The following SHC4 variants were observed in gnomAD, a reference collection of about 807,000 sequenced individuals.
SHC4 encodes the protein SHC adaptor protein 4.
A neutral mutation model predicts 69.4 loss-of-function variants in SHC4; 41 were observed. The observed-to-expected ratio is 0.59, with a 90% confidence interval of 0.46 to 0.77. The LOEUF (loss-of-function observed/expected upper bound fraction) is 0.77. SHC4 is among the 30% of genes least tolerant of loss of function. The pLI is 0.00. For missense variants in SHC4, 777 were observed against 783.8 expected, an observed-to-expected ratio of 0.99 and a Z score of 0.10; for synonymous variants, 318 against 299.3, an observed-to-expected ratio of 1.06 and a Z score of -0.64.
In SHC4 at chr15:48,839,975, T is replaced by C. The variant is rs1898962557; in HGVS notation, c.1483+3434A>G. On this transcript the variant is annotated intron_variant, in intron 10 of 11. Coordinates refer to ENST00000332408, the MANE Select transcript of SHC4 (RefSeq NM_203349.4). ...GCTAGGTGTGGTCACATGTCTATGGTCTGCCAATCGCAGGTGAAAAGAAAT... is the reference window on the plus strand; with the variant it reads ...GCTAGGTGTGGTCACATGTCTATGGCCTGCCAATCGCAGGTGAAAAGAAAT... Among the ~76,000 whole-genome samples the C allele has an allele frequency of 1.3e-5, 2 of 152,250 alleles. 1 individual carries two copies. Among genetic ancestry groups the C allele is most frequent in the Admixed American group, 1.3e-4 (2 of 15,280 alleles).
intron 8 of SHC4, among the ~76,000 whole-genome samples, chr15:48,854,606 G>GT (rs1206085999): frequency 1.3e-5 from 2 of 152,140 alleles, no homozygotes; most frequent in Admixed American, 1.3e-4. Context: ...AGAGAATGTG[G>GT]TACATATACA....
intron 1 of SHC4, among the ~76,000 whole-genome samples, chr15:48,950,476 T>G (rs1413875436): frequency 6.6e-6 from 1 of 152,110 alleles, no homozygotes; most frequent in Non-Finnish European, 1.5e-5. Context: ...ATTATGATTA[T>G]TGATCTCCTA....
In SHC4 at chr15:48,867,815, T is replaced by C. The variant is rs888849213; in HGVS notation, c.946+3A>G. ...TAAAAAATCTGTAAGTTGCTTTCCA[T>C]ACCTCGTTGATTAACTGGATCTTTA... On this transcript the variant is annotated splice_donor_region_variant and intron_variant, in intron 6 of 11. Coordinates refer to ENST00000332408, the MANE Select transcript of SHC4 (RefSeq NM_203349.4). 1.9e-6 allele frequency: 3 copies of C among 1,613,312 alleles called. No homozygotes were observed. Among genetic ancestry groups the C allele is most frequent in the Non-Finnish European group, 1.7e-6 (2 of 1,179,546 alleles).
At chr15:48,875,786 G>A (rs984210295) in intron 4 of SHC4, among the ~76,000 whole-genome samples, 5 of 152,206 alleles carry the variant, frequency 3.3e-5, no homozygotes, top group Non-Finnish European at 7.3e-5. Context: ...TCACTACTCA[G>A]GTCAAAGAGG....
At chr15:48,900,938 A>T (rs1433999964) in intron 2 of SHC4, among the ~76,000 whole-genome samples, 2 of 152,224 alleles carry the variant, frequency 1.3e-5, no homozygotes, top group African/African-American at 4.8e-5. Flanking sequence ...CCAGGTAGGA[A>T]ATATTTTAGC....
At chr15:48,959,665 T>G (rs1901509041) in intron 1 of SHC4, among the ~76,000 whole-genome samples, 1 of 152,218 alleles carries the variant, frequency 6.6e-6, no homozygotes, top group Non-Finnish European at 1.5e-5. Context: ...CAAGCAAGGT[T>G]TGATTTAAAA....
At chr15:48,908,708 A>G (rs894088203) in intron 2 of SHC4, among the ~76,000 whole-genome samples, 15 of 152,196 alleles carry the variant, frequency 9.9e-5, no homozygotes, top group Non-Finnish European at 1.9e-4. Flanking sequence ...TCCTTAATCC[A>G]TCTTGAGTTG....
chr15:48,917,095 C>G (rs1349394173), intron 2 of SHC4, among the ~76,000 whole-genome samples: 1 of 152,128 alleles, frequency 6.6e-6, no homozygotes. Context: ...GTGTCTATTC[C>G]TCCTTCAGCG....
intron 10 of SHC4, 75 bp downstream of exon 10, chr15:48,843,334 A>C (rs1193769923): frequency 7.0e-7 from 1 of 1,435,474 alleles, no homozygotes; most frequent in Non-Finnish European, 9.5e-7. Context: ...GAACTGTGAA[A>C]GAATAAATTT....
chr15:48,870,885 G>A (rs1899661722), intron 5 of SHC4, among the ~76,000 whole-genome samples: 1 of 152,178 alleles, frequency 6.6e-6, no homozygotes, highest in Admixed American at 6.5e-5. Context: ...TGATTACAGA[G>A]TAACTTCAGA....
chr15:48,924,960 A>T lies in SHC4; in HGVS notation c.586-11T>A. The T allele has an allele frequency of 1.2e-6, 2 of 1,613,802 alleles. No homozygotes were observed. Among genetic ancestry groups the T allele is most frequent in the Non-Finnish European group, 1.7e-6 (2 of 1,179,870 alleles). ...AACACAGCCCATGTACTACAATAAG[A>T]AGAAAAAAAAGAAGAAGTAGGACAA... is the stretch of plus-strand genomic sequence containing the variant. On this transcript the variant is annotated splice_polypyrimidine_tract_variant and intron_variant, in intron 1 of 11. Transcript: ENST00000332408.
chr15:48,910,586 A>G (rs938449487), intron 2 of SHC4, among the ~76,000 whole-genome samples: 2 of 150,600 alleles, frequency 1.3e-5, no homozygotes, highest in Non-Finnish European at 3.0e-5. Context: ...GATCTTGGTT[A>G]TTTCCTTTCT....
At chr15:48,874,567 C>T (rs374358469) in intron 4 of SHC4, among the ~76,000 whole-genome samples, 57 of 152,258 alleles carry the variant, frequency 3.7e-4, no homozygotes, top group African/African-American at 1.2e-3. Flanking sequence ...ACTACACATA[C>T]GAGGGATCTA....
intron 1 of SHC4, among the ~76,000 whole-genome samples, chr15:48,929,524 G>T (rs1900916095): frequency 6.6e-6 from 1 of 152,198 alleles, no homozygotes; most frequent in African/African-American, 2.4e-5. Flanking sequence ...CTGAATCAGG[G>T]TTTATTCTAG....
In SHC4 at chr15:48,940,901, A is replaced by G. The variant is rs137982569; in HGVS notation, c.586-15952T>C. Reference sequence around the variant, plus strand: ...TTCTTTGAAAAAGCAGCAGTCAACAATACGGCTTTGCGGAAATGCAGCTCA... The same window carrying G: ...TTCTTTGAAAAAGCAGCAGTCAACAGTACGGCTTTGCGGAAATGCAGCTCA... On this transcript the variant is annotated intron_variant, in intron 1 of 11. Transcript: ENST00000332408. 2.2e-3 allele frequency among the ~76,000 whole-genome samples: 340 copies of G among 152,318 alleles called. 1 individual carries two copies. The highest frequency in any genetic ancestry group is 7.8e-3 in the African/African-American group (325 of 41,574).
intron 2 of SHC4, among the ~76,000 whole-genome samples, chr15:48,892,484 G>A (rs4774527): frequency 0.27 from 40,333 of 151,940 alleles, 6,944 homozygotes; most frequent in Middle Eastern, 0.43. Flanking sequence ...AACACAGATA[G>A]TTGGGCCCTC....
intron 2 of SHC4, among the ~76,000 whole-genome samples, chr15:48,891,941 G>A (rs926832812): frequency 6.6e-6 from 1 of 152,086 alleles, no homozygotes; most frequent in Non-Finnish European, 1.5e-5. Flanking sequence ...TGCAAGCTCC[G>A]CTTCCCGGGT....
intron 2 of SHC4, 92 bp downstream of exon 2, chr15:48,924,787 G>T: frequency 7.4e-7 from 1 of 1,342,440 alleles, no homozygotes; most frequent in Non-Finnish European, 1.1e-6. Context: ...AGTGCATAAT[G>T]AATTGGAAGG....
chr15:48,826,013 C>T lies in SHC4; in HGVS notation c.1851G>A (p.Val617=). The part of the protein sequence containing the change: ...SGSEVSLKQP[V]RKDNNPALLH... The stretch of plus-strand genomic sequence containing the variant: ...AAAGTGCTGGATTATTATCTTTTCT[C>T]ACTGGTTGTTTAAGGCTTACTTCGC... Residue 617 remains valine (V), a synonymous_variant, in exon 12 of 12, where the codon GTG becomes GTA. Transcript: ENST00000332408. The T allele has an allele frequency of 6.2e-7, 1 of 1,613,908 alleles. No homozygotes were observed. Among genetic ancestry groups the T allele is most frequent in the Non-Finnish European group, 8.5e-7 (1 of 1,179,922 alleles).
Sources: gnomAD v4.1 joint callset for allele counts (sites outside exome capture counted in the v4.1 genomes callset) on GRCh38, gnomAD v4.1.1 for gene constraint, MANE v1.5 for transcripts, NCBI Gene and HGNC (gene_info 2026-07-23, HGNC 2026-07-21) for gene names.